PNISR: variants seen among roughly 807,000 people sequenced by gnomAD.
PNISR encodes the protein PNN interacting serine and arginine rich protein.
A neutral mutation model predicts 93.4 loss-of-function variants in PNISR; 20 were observed. The ratio of observed to expected loss-of-function variants is 0.21; its 90% CI spans 0.15 to 0.31. The LOEUF (loss-of-function observed/expected upper bound fraction) is 0.31, where lower values mean the gene tolerates loss of function less well. PNISR is among the 10% of genes least tolerant of loss of function. The probability of loss-of-function intolerance (pLI) is 1.00; values close to 1 mark genes in which losing one functional copy is unlikely to be tolerated. For missense variants in PNISR, 893 were observed against 985.4 expected (o/e 0.91, Z 1.25); for synonymous variants, 305 against 306.5 (o/e 0.99, Z 0.05).
chr6:99,422,408 C>T (rs1358519126), intron 1 of PNISR, among the ~76,000 whole-genome samples: 1 of 152,124 alleles, frequency 6.6e-6, no homozygotes, highest in Non-Finnish European at 1.5e-5. Context: ...AGTTGACTGA[C>T]CTCAAAGTCA....
At chr6:99,414,284 T>C (rs1040337248) in intron 3 of PNISR, among the ~76,000 whole-genome samples, 3 of 152,234 alleles carry the variant, frequency 2.0e-5, no homozygotes, top group Non-Finnish European at 4.4e-5. Flanking sequence ...GTGTTCTCCA[T>C]AAGCAACATA....
rs745923005 is a variant in PNISR, at chr6:99,400,455, AAGAG to A, written c.*81_*84del. 66 of 1,496,562 alleles carry A rather than the reference AAGAG, an allele frequency of 4.4e-5. No individual in the cohort carries two copies. Among genetic ancestry groups the A allele is most frequent in the African/African-American group, 7.0e-5 (5 of 71,690 alleles). The allele number at this position is 1,496,562 out of a possible 1,614,324, so 92.7% of individuals were successfully genotyped here. On this transcript the variant is annotated 3_prime_UTR_variant, in exon 12 of 12. Transcript: ENST00000369239. ...ATCAAGTACCAAACTGAGTTTATTAAAGAGAGAGAGAAAGGACACTTTCAACTTT... is the reference window on the plus strand; with the variant it reads ...ATCAAGTACCAAACTGAGTTTATTAAAGAGAGAAAGGACACTTTCAACTTT...
intron 4 of PNISR, 54 bp downstream of exon 4, chr6:99,412,497 A>T: frequency 7.9e-7 from 1 of 1,260,344 alleles, no homozygotes; most frequent in Non-Finnish European, 1.1e-6. Flanking sequence ...TTTAATAATA[A>T]TCTTCATTCT....
Position 99,402,535 on chromosome 6 carries a change from T to C in PNISR, c.1327+5A>G. On this transcript the variant is annotated splice_donor_5th_base_variant and intron_variant, in intron 11 of 11. Transcript: ENST00000369239. ...CCAAAATTAAGTCTAAAAGGTATAC[T>C]ACACCTTCCATCTGTTTATCATGTA... is the stretch of plus-strand genomic sequence containing the variant. The C allele has an allele frequency of 1.2e-6, 2 of 1,604,190 alleles. No individual in the cohort carries two copies. The highest frequency in any genetic ancestry group is 1.1e-5 in the South Asian group (1 of 89,892).
intron 10 of PNISR, 158 bp from the exon 11 acceptor site, chr6:99,402,868 A>G: frequency 2.1e-6 from 1 of 486,786 alleles, no homozygotes. Flanking sequence ...CAAACGCTTA[A>G]GGAGTTCACA....
intron 1 of PNISR, among the ~76,000 whole-genome samples, chr6:99,420,266 T>C (rs1362198422): frequency 6.6e-6 from 1 of 152,260 alleles, no homozygotes; most frequent in African/African-American, 2.4e-5. Context: ...CATTTTCTTA[T>C]ATGATTTAGA....
rs1166838873 is a variant in PNISR, at chr6:99,419,152, C to CAAAAAAAAAAAAAAAAAA, written c.-111-2742_-111-2725dup. 2.5e-4 allele frequency among the ~76,000 whole-genome samples: 5 copies of CAAAAAAAAAAAAAAAAAA among 19,824 alleles called. 1 individual carries two copies. Among genetic ancestry groups the CAAAAAAAAAAAAAAAAAA allele is most frequent in the Non-Finnish European group, 3.8e-4 (4 of 10,406 alleles). 13.0% of individuals were successfully genotyped at this position (19,824 alleles called of 152,430 possible). ...TGGGTGCCAGAGCGAGACTCCGTCT[C>CAAAAAAAAAAAAAAAAAA]AAAAAAAAAAAAAAAAAAAAAAAAA... On this transcript the variant is annotated intron_variant, in intron 1 of 11. Coordinates refer to ENST00000369239, the MANE Select transcript of PNISR (RefSeq NM_032870.4).
At chr6:99,415,178 A>T (rs1426874777) in intron 2 of PNISR, 1 of 152,240 alleles carries the variant, frequency 6.6e-6, no homozygotes, top group Non-Finnish European at 1.5e-5. Context: ...AGGAAACCTT[A>T]CAAGAAAAGT....
At chr6:99,424,237 T>G (rs759082224) in intron 1 of PNISR, among the ~76,000 whole-genome samples, 1 of 152,174 alleles carries the variant, frequency 6.6e-6, no homozygotes, top group Non-Finnish European at 1.5e-5. Context: ...TGTGAGGAAG[T>G]AGGAATAAAC....
At chr6:99,413,387 T>C (rs1018467342) in intron 3 of PNISR, among the ~76,000 whole-genome samples, 6 of 131,624 alleles carry the variant, frequency 4.6e-5, no homozygotes, top group Admixed American at 3.1e-4. Flanking sequence ...AATTTTTACG[T>C]ATCTATCCAT....
intron 3 of PNISR, among the ~76,000 whole-genome samples, chr6:99,413,416 ATCCATC>A (rs1777234437): frequency 6.6e-6 from 1 of 151,484 alleles, no homozygotes; most frequent in African/African-American, 2.4e-5. Context: ...CCATCCATCC[ATCCATC>A]CATCCATCCA....
Position 99,400,322 on chromosome 6 carries a change from A to AT in PNISR, c.*217_*218insA. ...GGAGGGGTTGTTGATCTGAAAAAAA[A>AT]GGGAAAAGACAAAATTTAAAAATAA... On this transcript the variant is annotated 3_prime_UTR_variant, in exon 12 of 12. Transcript: ENST00000369239. 9.0e-7 allele frequency: 1 copy of AT among 1,117,292 alleles called. No individual in the cohort carries two copies. The highest frequency in any genetic ancestry group is 1.1e-6 in the Non-Finnish European group (1 of 913,244). 69.2% of individuals were successfully genotyped at this position (1,117,292 alleles called of 1,614,324 possible).
At chr6:99,410,644 A>G (rs1776794607) in intron 5 of PNISR, 97 bp downstream of exon 5, 1 of 799,858 alleles carries the variant, frequency 1.3e-6, no homozygotes, top group East Asian at 2.7e-5. Context: ...ACAAGTCTGA[A>G]AAGTGAAACA....
At chr6:99,413,047 A>G (rs915825827) in intron 3 of PNISR, among the ~76,000 whole-genome samples, 1 of 152,178 alleles carries the variant, frequency 6.6e-6, no homozygotes, top group African/African-American at 2.4e-5. Context: ...TATAAAATTT[A>G]TCCCCTGCAT....
chr6:99,412,259 G>A, intron 4 of PNISR: 2 of 548,178 alleles, frequency 3.6e-6, no homozygotes, highest in East Asian at 8.9e-5. Context: ...GAGAGACAAA[G>A]AATGCTCTCT....
Position 99,406,136 on chromosome 6 carries a change from A to C in PNISR, c.897T>G (p.Asn299Lys). ...CTTTCCCACTACTTGCAGCCTCAAC[A>C]TTTTCAGTGTCTTCTTCTTCCTCAT... ...DSDEEEEDTE[N>K]VEAASSGKVT... is the part of the protein sequence containing the mutation. Residue 299 changes from asparagine (N) to lysine (K), a missense_variant, in exon 8 of 12, where the codon AAT (asparagine) becomes AAG (lysine). Physicochemically the swap from Asn to Lys is moderately conservative, Grantham distance 94. Coordinates refer to ENST00000369239, the MANE Select transcript of PNISR (RefSeq NM_032870.4). The C allele has an allele frequency of 6.2e-7, 1 of 1,610,818 alleles. No homozygotes were observed. Among genetic ancestry groups the C allele is most frequent in the South Asian group, 1.1e-5 (1 of 90,994 alleles).
At position 99,403,543 on chromosome 6, in the gene PNISR, T is replaced by A. The variant is rs893704886; in HGVS notation, c.1156+286A>T. 5 of 186,072 alleles carry A rather than the reference T, an allele frequency of 2.7e-5. No individual in the cohort carries two copies. In the East Asian group the frequency reaches 6.2e-4, roughly 23 times the overall value. 11.5% of individuals were successfully genotyped at this position (186,072 alleles called of 1,614,324 possible). A position where few individuals can be genotyped will look rare whatever the true frequency, so the allele number is the denominator to read the frequency against. ...TAAGTACAAACTATAGGTGTTCATA[T>A]ATAATTATATATATATAAAATGCAT... is the stretch of plus-strand genomic sequence containing the variant. On this transcript the variant is annotated intron_variant, in intron 10 of 11. Transcript: ENST00000369239.
Position 99,410,975 on chromosome 6 carries a change from T to A in PNISR, c.278-11A>T. On this transcript the variant is annotated splice_polypyrimidine_tract_variant and intron_variant, in intron 4 of 11. Transcript: ENST00000369239. ...GATGCATTCCCCATTCTATTTAAGA[T>A]TTAGGCATAAAAACATTCAACAGGC... 6.3e-7 allele frequency: 1 copy of A among 1,594,906 alleles called. No individual in the cohort carries two copies. The highest frequency in any genetic ancestry group is 8.6e-7 in the Non-Finnish European group (1 of 1,163,302).
chr6:99,417,772 C>G (rs1406243830), intron 1 of PNISR, among the ~76,000 whole-genome samples: 1 of 152,006 alleles, frequency 6.6e-6, no homozygotes, highest in Non-Finnish European at 1.5e-5. Flanking sequence ...TCAGGACCAG[C>G]CTGACCAACA....
Sources: gnomAD v4.1 joint callset for allele counts (sites outside exome capture counted in the v4.1 genomes callset) on GRCh38, gnomAD v4.1.1 for gene constraint, MANE v1.5 for transcripts, NCBI Gene and HGNC (gene_info 2026-07-23, HGNC 2026-07-21) for gene names.